Variants in NLGN1 observed in about 807,000 individuals in gnomAD.
The protein encoded by NLGN1 is neuroligin-1.
A neutral mutation model predicts 65.5 loss-of-function variants in NLGN1; 12 were observed. The observed-to-expected ratio is 0.18, with a 90% CI of 0.12 to 0.30. NLGN1 has a LOEUF of 0.30. Among genes scored for constraint, NLGN1 ranks in the 10% least tolerant of loss-of-function variants. NLGN1 has a pLI of 1.00. For synonymous variants in NLGN1, 350 were observed against 359.5 expected, an observed-to-expected ratio of 0.97 and a Z score of 0.30; for missense variants, 750 against 1,007.1, an observed-to-expected ratio of 0.74 and a Z score of 3.46.
intron 2 of NLGN1, among the ~76,000 whole-genome samples, chr3:173,537,277 A>G (rs1737589635): frequency 6.6e-6 from 1 of 152,194 alleles, no homozygotes; most frequent in Non-Finnish European, 1.5e-5. Context: ...CCAAATAAAA[A>G]CAATAACTAG....
At chr3:173,608,428 G>C (rs1751730191) in intron 3 of NLGN1, among the ~76,000 whole-genome samples, 1 of 151,846 alleles carries the variant, frequency 6.6e-6, no homozygotes. Context: ...ACTGGAGTTT[G>C]GTTGTGGAGA....
intron 4 of NLGN1, among the ~76,000 whole-genome samples, chr3:173,909,659 T>C (rs1307995629): frequency 6.6e-6 from 1 of 152,120 alleles, no homozygotes; most frequent in Non-Finnish European, 1.5e-5. Context: ...ACAGCATTTA[T>C]TTATTTATTT....
At chr3:173,803,309 C>G (rs987716879) in intron 3 of NLGN1, among the ~76,000 whole-genome samples, 4 of 151,682 alleles carry the variant, frequency 2.6e-5, no homozygotes, top group South Asian at 2.1e-4. Flanking sequence ...GCTAATAATG[C>G]CTTCATATTA....
At chr3:173,655,101 A>G (rs904005614) in intron 3 of NLGN1, among the ~76,000 whole-genome samples, 2 of 152,220 alleles carry the variant, frequency 1.3e-5, no homozygotes, top group African/African-American at 2.4e-5. Flanking sequence ...TATAGTTTGC[A>G]CCTTGCAGAA....
At chr3:173,916,687 T>C (rs560634286) in intron 4 of NLGN1, among the ~76,000 whole-genome samples, 5 of 152,190 alleles carry the variant, frequency 3.3e-5, no homozygotes, top group South Asian at 4.1e-4. Flanking sequence ...AAATTTCAGA[T>C]GAGGCCACCT....
intron 4 of NLGN1, among the ~76,000 whole-genome samples, chr3:174,184,984 T>G (rs2152751365): frequency 6.6e-6 from 1 of 152,130 alleles, no homozygotes; most frequent in Non-Finnish European, 1.5e-5. Context: ...AGGGCAGGAA[T>G]AATAATGCAC....
intron 2 of NLGN1, among the ~76,000 whole-genome samples, chr3:173,598,440 T>A (rs1749872357): frequency 6.6e-6 from 1 of 152,186 alleles, no homozygotes; most frequent in Non-Finnish European, 1.5e-5. Context: ...AATCATCTTG[T>A]GGTGGGGTAT....
Position 173,436,400 on chromosome 3 carries a change from A to G in NLGN1, c.-321+1322A>G, listed in dbSNP as rs562530263. Among the ~76,000 whole-genome samples the G allele has an allele frequency of 1.1e-4, 16 of 152,302 alleles. No homozygotes were observed. In the South Asian group the frequency reaches 1.4e-3, roughly 14 times the overall value. On this transcript the variant is annotated intron_variant, in intron 2 of 6. Transcript: ENST00000457714. ...TTGGCAAATAATGTATGGCACACACATGAGTTCTGGAACATGTTTTAATAA... is the reference window on the plus strand; with the variant it reads ...TTGGCAAATAATGTATGGCACACACGTGAGTTCTGGAACATGTTTTAATAA...
intron 4 of NLGN1, among the ~76,000 whole-genome samples, chr3:174,042,512 C>T (rs1426077610): frequency 6.6e-6 from 1 of 152,132 alleles, no homozygotes; most frequent in Non-Finnish European, 1.5e-5. Context: ...GAGACTTTTA[C>T]ATAAGTTGTC....
chr3:174,106,069 A>T (rs1349421869), intron 4 of NLGN1, among the ~76,000 whole-genome samples: 1 of 152,164 alleles, frequency 6.6e-6, no homozygotes, highest in Non-Finnish European at 1.5e-5. Context: ...CTTGGTAAGG[A>T]CCATAAGGCT....
Position 174,047,416 on chromosome 3 carries a change from G to A in NLGN1, c.647-227899G>A, listed in dbSNP as rs75575629. ...TAATTGAGATGGTGACTGAGAATTG[G>A]GTTAGGAATTAAAGTTTAGTGACAA... On this transcript the variant is annotated intron_variant, in intron 4 of 6. Transcript: ENST00000457714. Among the ~76,000 whole-genome samples the A allele has an allele frequency of 6.3e-3, 955 of 152,032 alleles. 23 individuals carry two copies. Among genetic ancestry groups the A allele is most frequent in the East Asian group, 0.039 (200 of 5,172 alleles).
chr3:173,999,662 AG>A (rs1294631548), intron 4 of NLGN1, among the ~76,000 whole-genome samples: 3 of 152,280 alleles, frequency 2.0e-5, no homozygotes, highest in Middle Eastern at 3.4e-3. Flanking sequence ...ATTTGCCTGC[AG>A]GAACAATTTG....
intron 2 of NLGN1, among the ~76,000 whole-genome samples, chr3:173,439,503 T>C (rs890985394): frequency 6.6e-6 from 1 of 151,248 alleles, no homozygotes; most frequent in African/African-American, 2.4e-5. Context: ...GTTTATTTCT[T>C]ATTGTTAAAA....
intron 4 of NLGN1, among the ~76,000 whole-genome samples, chr3:174,143,857 T>G (rs993013481): frequency 3.9e-5 from 6 of 152,210 alleles, no homozygotes; most frequent in Admixed American, 3.9e-4. Flanking sequence ...TTAATTAGTG[T>G]ACCAATTTTT....
intron 4 of NLGN1, among the ~76,000 whole-genome samples, chr3:174,069,754 T>G (rs376047502): frequency 6.6e-6 from 1 of 152,168 alleles, no homozygotes; most frequent in Non-Finnish European, 1.5e-5. Context: ...GTCAGATAAG[T>G]ACCAGGAAAA....
chr3:174,221,909 G>GT lies in NLGN1; in HGVS notation c.647-53400dup, dbSNP rs551174805. Among the ~76,000 whole-genome samples, 440 of 152,042 alleles carry GT rather than the reference G, an allele frequency of 2.9e-3. 2 individuals carry two copies. The highest frequency in any genetic ancestry group is 0.01 in the African/African-American group (418 of 41,482). On this transcript the variant is annotated intron_variant, in intron 4 of 6. Coordinates refer to ENST00000457714, the Ensembl canonical transcript of NLGN1. ...TGTGTCGGATCTGAATGTTGCTCATGTTTTTTGTTTTGTTTTTCATTTTAT... is the reference window on the plus strand; with the variant it reads ...TGTGTCGGATCTGAATGTTGCTCATGTTTTTTTGTTTTGTTTTTCATTTTAT...
rs972775817 is a variant in NLGN1 at position 173,533,179 on chromosome 3, A to G, written c.-320-71100A>G. Among the ~76,000 whole-genome samples, 3 of 152,322 alleles carry G rather than the reference A, an allele frequency of 2.0e-5. No homozygotes were observed. In the East Asian group the frequency reaches 5.8e-4, roughly 29 times the overall value. ...TTCAGTTTCTGATTAGAGCTTAGTT[A>G]TTATTGGATAACTCACACAAAACTG... On this transcript the variant is annotated intron_variant, in intron 2 of 6. Coordinates refer to ENST00000457714, the Ensembl canonical transcript of NLGN1.
At chr3:173,867,978 C>T (rs898497774) in intron 4 of NLGN1, among the ~76,000 whole-genome samples, 10 of 152,154 alleles carry the variant, frequency 6.6e-5, no homozygotes, top group African/African-American at 2.2e-4. Context: ...AAATAATTTA[C>T]TTGAAAATCT....
intron 4 of NLGN1, among the ~76,000 whole-genome samples, chr3:174,227,024 T>C (rs1739842372): frequency 6.6e-6 from 1 of 152,168 alleles, no homozygotes; most frequent in Admixed American, 6.5e-5. Flanking sequence ...ATATTAAACA[T>C]AATTTTAGGC....
Sources: gnomAD v4.1 joint callset for allele counts (sites outside exome capture counted in the v4.1 genomes callset) on GRCh38, gnomAD v4.1.1 for gene constraint, MANE v1.5 for transcripts, NCBI Gene and HGNC (gene_info 2026-07-23, HGNC 2026-07-21) for gene names.